Variants in PEMT observed in about 807,000 individuals in gnomAD.
The protein encoded by PEMT is phosphatidylethanolamine N-methyltransferase.
PEMT carries 23 observed loss-of-function variants against 27.4 expected under a neutral mutation model. The observed-to-expected ratio is 0.84, with a 90% CI of 0.60 to 1.19. The LOEUF is 1.19. Among genes scored for constraint, PEMT ranks in the 50% most tolerant of loss-of-function variants. The probability of loss-of-function intolerance (pLI) is 0.00; values close to 1 mark genes in which losing one functional copy is unlikely to be tolerated. For synonymous variants in PEMT, 137 were observed against 139.1 expected (o/e 0.98, Z 0.11); for missense variants, 307 against 310.1 (o/e 0.99, Z 0.07).
At chr17:17,567,782 G>A (rs1269161890) in intron 2 of PEMT, among the ~76,000 whole-genome samples, 1 of 152,238 alleles carries the variant, frequency 6.6e-6, no homozygotes, top group Non-Finnish European at 1.5e-5. Flanking sequence ...GGCCTGATGA[G>A]CCAGCTGGCT....
At chr17:17,577,988 G>T (rs1335636481) in intron 1 of PEMT, among the ~76,000 whole-genome samples, 5 of 142,484 alleles carry the variant, frequency 3.5e-5, no homozygotes, top group African/African-American at 1.3e-4. Context: ...CTGCACTCCA[G>T]CCTGGGCAAC....
intron 1 of PEMT, among the ~76,000 whole-genome samples, chr17:17,585,949 G>A (rs1047343640): frequency 3.3e-5 from 5 of 151,654 alleles, no homozygotes; most frequent in Non-Finnish European, 1.5e-5. Context: ...TGGGCGTGGT[G>A]GCAGGCGCCT....
At chr17:17,568,062 C>T (rs1222296392) in intron 2 of PEMT, among the ~76,000 whole-genome samples, 3 of 151,870 alleles carry the variant, frequency 2.0e-5, no homozygotes, top group Non-Finnish European at 4.4e-5. Flanking sequence ...CACACACCTA[C>T]ACACACACAC....
chr17:17,578,941 A>T (rs566755291), intron 1 of PEMT, among the ~76,000 whole-genome samples: 362 of 152,288 alleles, frequency 2.4e-3, no homozygotes, highest in African/African-American at 7.9e-3. Flanking sequence ...AAATTTTTTT[A>T]AAAAATTAAA....
intron 2 of PEMT, among the ~76,000 whole-genome samples, chr17:17,528,656 C>T (rs950815953): frequency 6.6e-6 from 1 of 152,232 alleles, no homozygotes; most frequent in Non-Finnish European, 1.5e-5. Flanking sequence ...GCCCATGACT[C>T]CTGTCTCTCC....
intron 2 of PEMT, among the ~76,000 whole-genome samples, chr17:17,529,931 T>A (rs1907966392): frequency 1.3e-5 from 2 of 152,148 alleles, no homozygotes; most frequent in Admixed American, 1.3e-4. Context: ...GGAGGAAGAT[T>A]TCTATCTATT....
At position 17,523,869 on chromosome 17, in the gene PEMT, G is replaced by A. The variant is rs565421720; in HGVS notation, c.205-1474C>T. On this transcript the variant is annotated intron_variant, in intron 2 of 6. Coordinates refer to ENST00000255389, the MANE Select transcript of PEMT (RefSeq NM_148172.3). The surrounding 1 kb of genome is among the most constrained non-coding windows in gnomAD (Gnocchi z 4.8). ...TTTTTAGCTATGCAACCATCACCAC[G>A]GTCTAAGTCCAGAACATTTCATCAC... Among the ~76,000 whole-genome samples, 65 of 152,156 alleles carry A rather than the reference G, an allele frequency of 4.3e-4. No individual in the cohort carries two copies. Among genetic ancestry groups the A allele is most frequent in the Non-Finnish European group, 6.9e-4 (47 of 68,000 alleles).
intron 4 of PEMT, among the ~76,000 whole-genome samples, chr17:17,509,950 T>C (rs1231819380): frequency 6.6e-6 from 1 of 152,118 alleles, no homozygotes; most frequent in East Asian, 1.9e-4. Flanking sequence ...ATGCAGACCC[T>C]TCCTCTTCCT....
intron 2 of PEMT, among the ~76,000 whole-genome samples, chr17:17,532,894 G>A (rs918378190): frequency 1.3e-5 from 2 of 152,230 alleles, no homozygotes; most frequent in African/African-American, 4.8e-5. Context: ...GGGAGTGGTG[G>A]TGGGCATACG....
intron 2 of PEMT, among the ~76,000 whole-genome samples, chr17:17,542,991 C>T (rs1170503514): frequency 2.6e-5 from 4 of 152,226 alleles, no homozygotes; most frequent in African/African-American, 9.6e-5. Flanking sequence ...TGCCTTCCCC[C>T]AGAGCATGGC....
In PEMT at chr17:17,566,335, G is replaced by C. The variant is rs550169742; in HGVS notation, c.204+10585C>G. On this transcript the variant is annotated intron_variant, in intron 2 of 6. Coordinates refer to ENST00000255389, the MANE Select transcript of PEMT (RefSeq NM_148172.3). ...TGGGGGTGAGTGTGCCTGGTTGCAT[G>C]GCTTCCTGGGGACGCCTCAGGGTTC... is the stretch of plus-strand genomic sequence containing the variant. Among the ~76,000 whole-genome samples, 17 of 152,322 alleles carry C rather than the reference G, an allele frequency of 1.1e-4. No individual in the cohort carries two copies. In the East Asian group the frequency reaches 3.3e-3, roughly 29 times the overall value.
At chr17:17,591,105 GCCT>G (rs1256521963) in intron 1 of PEMT, among the ~76,000 whole-genome samples, 1 of 152,118 alleles carries the variant, frequency 6.6e-6, no homozygotes, top group African/African-American at 2.4e-5. Flanking sequence ...CATATAATCG[GCCT>G]CCTTCACCCT....
intron 4 of PEMT, among the ~76,000 whole-genome samples, chr17:17,511,684 C>G (rs1003532349): frequency 2.0e-5 from 3 of 152,200 alleles, no homozygotes; most frequent in Admixed American, 2.0e-4. Context: ...TGACGGAGAG[C>G]GGGCAATGCG....
intron 3 of PEMT, among the ~76,000 whole-genome samples, chr17:17,515,170 GTC>G (rs1350518827): frequency 6.6e-6 from 1 of 152,178 alleles, no homozygotes; most frequent in East Asian, 1.9e-4. Context: ...CCAGGCCTGG[GTC>G]CATACCCCAT....
chr17:17,525,462 G>A (rs752656933), intron 2 of PEMT, among the ~76,000 whole-genome samples: 3 of 152,212 alleles, frequency 2.0e-5, no homozygotes, highest in Non-Finnish European at 2.9e-5. Context: ...CCAGCTGCTC[G>A]TTTCATCCAA....
At chr17:17,574,580 C>T (rs1318083154) in intron 2 of PEMT, among the ~76,000 whole-genome samples, 1 of 152,194 alleles carries the variant, frequency 6.6e-6, no homozygotes, top group East Asian at 1.9e-4. Context: ...CTCAGCCTCC[C>T]AAAGTGCTGG....
At chr17:17,579,688 A>G (rs964194210) in intron 1 of PEMT, among the ~76,000 whole-genome samples, 5 of 152,166 alleles carry the variant, frequency 3.3e-5, no homozygotes, top group Non-Finnish European at 7.4e-5. Context: ...ACAAACAAAC[A>G]AACAAAATGC....
chr17:17,547,058 A>G (rs1002624080), intron 2 of PEMT, among the ~76,000 whole-genome samples: 1 of 152,266 alleles, frequency 6.6e-6, no homozygotes, highest in Non-Finnish European at 1.5e-5. Flanking sequence ...CTCGAGCCAC[A>G]TGCTCCGCCT....
intron 5 of PEMT, chr17:17,508,949 G>A: frequency 3.3e-6 from 1 of 307,330 alleles, no homozygotes; most frequent in Non-Finnish European, 6.5e-6. Flanking sequence ...CAGCCCTGAT[G>A]TCCCCGCACA....
Sources: allele counts gnomAD v4.1 joint callset (sites outside exome capture counted in the v4.1 genomes callset), GRCh38; gene constraint gnomAD v4.1.1; non-coding constraint Gnocchi (gnomAD v3.1); transcripts MANE v1.5; gene names NCBI Gene and HGNC (gene_info 2026-07-23, HGNC 2026-07-21).